Variants in FSIP1 observed in about 807,000 individuals in gnomAD.
FSIP1 encodes the protein fibrous sheath interacting protein 1.
In FSIP1, 65 loss-of-function variants were observed where a neutral mutation model predicts 60.9. The ratio of observed to expected loss-of-function variants is 1.07; its 90% CI spans 0.87 to 1.31. The LOEUF (loss-of-function observed/expected upper bound fraction) is 1.31. Among genes scored for constraint, FSIP1 ranks in the 40% most tolerant of loss-of-function variants. The pLI is 0.00. For missense variants in FSIP1, 675 were observed against 665.5 expected (o/e 1.01, Z -0.16); for synonymous variants, 209 against 221.2 (o/e 0.94, Z 0.49).
chr15:39,705,624 A>AAT lies in FSIP1; in HGVS notation c.1188+7818_1188+7819dup, dbSNP rs1033451699. Among the ~76,000 whole-genome samples, 15 of 151,886 alleles carry AAT rather than the reference A, an allele frequency of 9.9e-5. No homozygotes were observed. The South Asian group carries it at 1.7e-3, about 17-fold the overall frequency. ...GTTAGTATATATGCGCCAATATACG[A>AAT]ATATATATATATAACATAGTTGATA... On this transcript the variant is annotated intron_variant, in intron 10 of 11. Coordinates refer to ENST00000350221, the MANE Select transcript of FSIP1 (RefSeq NM_152597.5).
intron 9 of FSIP1, among the ~76,000 whole-genome samples, chr15:39,720,752 G>C (rs1018395814): frequency 2.0e-5 from 3 of 150,268 alleles, no homozygotes; most frequent in African/African-American, 7.5e-5. Context: ...CAGTTTTATG[G>C]TGGGATTTAC....
intron 10 of FSIP1, among the ~76,000 whole-genome samples, chr15:39,658,997 T>C (rs1468887502): frequency 2.0e-5 from 3 of 152,212 alleles, no homozygotes; most frequent in Non-Finnish European, 4.4e-5. Context: ...GAAGTACTAA[T>C]ACATGCTACA....
chr15:39,684,869 C>G (rs1391729832), intron 10 of FSIP1, among the ~76,000 whole-genome samples: 1 of 152,148 alleles, frequency 6.6e-6, no homozygotes, highest in Admixed American at 6.5e-5. Flanking sequence ...TTAGTATCCC[C>G]TCTCCCAGAT....
chr15:39,604,798 T>A (rs2140361833), intron 11 of FSIP1, among the ~76,000 whole-genome samples: 1 of 152,116 alleles, frequency 6.6e-6, no homozygotes, highest in East Asian at 1.9e-4. Flanking sequence ...AGAAAACTAT[T>A]AAGGCAATGA....
chr15:39,645,364 A>G (rs1860290331), intron 10 of FSIP1, among the ~76,000 whole-genome samples: 1 of 150,208 alleles, frequency 6.7e-6, no homozygotes, highest in Non-Finnish European at 1.5e-5. Context: ...TTGGAAAGAG[A>G]GCTACGTGCC....
At chr15:39,683,707 C>T (rs896843393) in intron 10 of FSIP1, among the ~76,000 whole-genome samples, 2 of 152,134 alleles carry the variant, frequency 1.3e-5, no homozygotes, top group Admixed American at 1.3e-4. Context: ...ATTTCTAGAA[C>T]TAATAAGTCA....
At chr15:39,699,438 A>G (rs1894965954) in intron 10 of FSIP1, among the ~76,000 whole-genome samples, 1 of 152,240 alleles carries the variant, frequency 6.6e-6, no homozygotes, top group Admixed American at 6.5e-5. Flanking sequence ...TATGTGGATC[A>G]TTTCATTTTA....
intron 10 of FSIP1, among the ~76,000 whole-genome samples, chr15:39,624,037 G>C (rs1891543791): frequency 6.6e-6 from 1 of 152,086 alleles, no homozygotes; most frequent in Non-Finnish European, 1.5e-5. Context: ...AGATAACCTG[G>C]TTGGTCACTG....
At chr15:39,731,266 T>C (rs1896392831) in intron 8 of FSIP1, among the ~76,000 whole-genome samples, 1 of 152,102 alleles carries the variant, frequency 6.6e-6, no homozygotes, top group Non-Finnish European at 1.5e-5. Context: ...TTAAATTCTA[T>C]TGCTCTCCCT....
rs762169076 is a variant in FSIP1 at position 39,739,711 on chromosome 15, T to G, written c.734A>C (p.Glu245Ala). The change falls in exon 7 of 12, where the codon GAG (glutamate) becomes GCG (alanine). Residue 245 changes from glutamate (E) to alanine (A), a missense_variant. Physicochemically the swap from Glu to Ala is moderately radical, Grantham distance 107. Coordinates refer to ENST00000350221, the MANE Select transcript of FSIP1 (RefSeq NM_152597.5). The part of the protein sequence containing the change: ...KKPFSNTEKI[E>A]LRGKHNQDFI... The stretch of plus-strand genomic sequence containing the variant: ...ATCCTGGTTGTGTTTACCCCTGAGC[T>G]CAATCTTTTCTGTATTCGAGAAAGG... 3 of 1,601,936 alleles carry G rather than the reference T, an allele frequency of 1.9e-6. No homozygotes were observed. Among genetic ancestry groups the G allele is most frequent in the Non-Finnish European group, 2.5e-6 (3 of 1,176,752 alleles).
At chr15:39,675,606 A>T (rs1421331958) in intron 10 of FSIP1, among the ~76,000 whole-genome samples, 1 of 152,226 alleles carries the variant, frequency 6.6e-6, no homozygotes, top group Admixed American at 6.5e-5. Context: ...GACCAATACC[A>T]AGATACTCTT....
Position 39,678,999 on chromosome 15 carries a change from T to C in FSIP1, c.1188+34445A>G, listed in dbSNP as rs140619850. On this transcript the variant is annotated intron_variant, in intron 10 of 11. Coordinates refer to ENST00000350221, the MANE Select transcript of FSIP1 (RefSeq NM_152597.5). ...CTACTACAAAGGTCTCAAAACAGAA[T>C]TGAAAAGAATGGATCTTGTCTGGGT... Among the ~76,000 whole-genome samples the C allele has an allele frequency of 2.6e-5, 4 of 152,342 alleles. No homozygotes were observed. In the East Asian group the frequency reaches 5.8e-4, roughly 22 times the overall value.
intron 5 of FSIP1, among the ~76,000 whole-genome samples, chr15:39,742,781 C>T (rs1266512034): frequency 6.6e-6 from 1 of 152,300 alleles, no homozygotes; most frequent in Middle Eastern, 3.4e-3. Context: ...GCTACAAACA[C>T]TAATTCATCA....
chr15:39,634,636 T>C (rs1453151284), intron 10 of FSIP1, among the ~76,000 whole-genome samples: 1 of 152,248 alleles, frequency 6.6e-6, no homozygotes, highest in Non-Finnish European at 1.5e-5. Context: ...CAAACCATTT[T>C]CCCCTTTCTT....
intron 8 of FSIP1, among the ~76,000 whole-genome samples, chr15:39,737,039 T>C (rs558988974): frequency 6.6e-6 from 1 of 152,222 alleles, no homozygotes; most frequent in Admixed American, 6.5e-5. Context: ...AAAGGGGATA[T>C]GGGCAGGGGG....
chr15:39,623,001 C>T (rs1220567135), intron 10 of FSIP1, among the ~76,000 whole-genome samples: 1 of 151,796 alleles, frequency 6.6e-6, no homozygotes, highest in Non-Finnish European at 1.5e-5. Flanking sequence ...ATATAGTGCC[C>T]TCTCTTTTAG....
chr15:39,763,605 T>C (rs911426610), intron 5 of FSIP1, among the ~76,000 whole-genome samples: 2 of 152,158 alleles, frequency 1.3e-5, no homozygotes, highest in African/African-American at 4.8e-5. Flanking sequence ...CTGTCCCCCT[T>C]ACCATCAAGC....
chr15:39,649,839 C>T (rs1892794172), intron 10 of FSIP1, among the ~76,000 whole-genome samples: 1 of 152,218 alleles, frequency 6.6e-6, no homozygotes, highest in Non-Finnish European at 1.5e-5. Context: ...TCTAATTAAG[C>T]CAATATCCCG....
At chr15:39,641,298 T>C (rs991219144) in intron 10 of FSIP1, among the ~76,000 whole-genome samples, 1 of 152,182 alleles carries the variant, frequency 6.6e-6, no homozygotes, top group Non-Finnish European at 1.5e-5. Context: ...ATCTGAGCTG[T>C]GGTGTCAGCA....
Sources: allele counts gnomAD v4.1 joint callset (sites outside exome capture counted in the v4.1 genomes callset), GRCh38; gene constraint gnomAD v4.1.1; transcripts MANE v1.5; gene names NCBI Gene and HGNC (gene_info 2026-07-23, HGNC 2026-07-21).